Variants in TUSC3 observed in about 807,000 individuals in gnomAD.
The protein encoded by TUSC3 is tumor suppressor candidate 3.
Under a neutral mutation model 44.8 loss-of-function variants are expected in TUSC3, and 45 were observed. That is an observed-to-expected ratio of 1.00 (90% CI 0.79 to 1.29). The LOEUF is 1.29. TUSC3 is among the 50% of genes most tolerant of loss of function. The probability of loss-of-function intolerance (pLI) is 0.00; values close to 1 mark genes in which losing one functional copy is unlikely to be tolerated. For synonymous variants in TUSC3, 212 were observed against 152.9 expected (o/e 1.39, Z -2.85); for missense variants, 519 against 437.9 (o/e 1.19, Z -1.65).
chr8:15,835,201 C>A, the TUSC3 span, among the ~76,000 whole-genome samples: 3 of 152,278 alleles, frequency 2.0e-5, no homozygotes, highest in South Asian at 6.2e-4. Flanking sequence ...TAAAGAAAAT[C>A]ATCCTTTACA....
rs181539632 is a variant in TUSC3, at chr8:15,448,321, A to T, written n.91+31016A>T. ...TTTAGTAGAGATGAGGTTTCACCAC[A>T]TTGGCAAGGCTGGTCTCAAACTCCC... On this transcript the variant is annotated intron_variant and non_coding_transcript_variant, in intron 1 of 5. Coordinates refer to the TUSC3 transcript ENST00000503191. 3.3e-5 allele frequency among the ~76,000 whole-genome samples: 5 copies of T among 151,688 alleles called. No individual in the cohort carries two copies. The East Asian group carries it at 9.7e-4, about 30-fold the overall frequency.
chr8:15,815,008 C>T, the TUSC3 span, among the ~76,000 whole-genome samples: 2 of 151,958 alleles, frequency 1.3e-5, no homozygotes, highest in African/African-American at 4.8e-5. Flanking sequence ...AAGATACACA[C>T]AGACACAAAT....
chr8:15,553,890 G>C (rs887245471), intron 1 of TUSC3, among the ~76,000 whole-genome samples: 2 of 151,780 alleles, frequency 1.3e-5, no homozygotes, highest in African/African-American at 4.8e-5. Flanking sequence ...TATGGTAGTT[G>C]TTACGGTTGT....
the TUSC3 span, among the ~76,000 whole-genome samples, chr8:15,830,023 A>C: frequency 4.0e-5 from 6 of 151,886 alleles, no homozygotes; most frequent in Non-Finnish European, 8.8e-5. Flanking sequence ...CTGTGGTTTT[A>C]ATTTGCATTT....
chr8:15,652,297 A>T (rs1489461475), intron 3 of TUSC3, among the ~76,000 whole-genome samples: 2 of 152,212 alleles, frequency 1.3e-5, no homozygotes, highest in Non-Finnish European at 2.9e-5. Flanking sequence ...TATCACCATT[A>T]GTGAACATTT....
the TUSC3 span, among the ~76,000 whole-genome samples, chr8:15,797,326 C>G: frequency 2.0e-5 from 3 of 152,156 alleles, no homozygotes; most frequent in Non-Finnish European, 2.9e-5. Flanking sequence ...CCTAAAGAGT[C>G]CAGCAATGTG....
At chr8:15,607,142 T>C (rs12544412) in intron 1 of TUSC3, among the ~76,000 whole-genome samples, 4 of 151,816 alleles carry the variant, frequency 2.6e-5, no homozygotes, top group Admixed American at 2.6e-4. Context: ...CACAAATGGT[T>C]GGGGGAGAGC....
Position 15,757,646 on chromosome 8 carries a change from C to G in TUSC3, c.1029-145C>G, listed in dbSNP as rs1811982312. 10 of 1,025,570 alleles carry G rather than the reference C, an allele frequency of 9.8e-6. No individual in the cohort carries two copies. In the South Asian group the frequency reaches 1.3e-4, roughly 13 times the overall value. The allele number at this position is 1,025,570 out of a possible 1,614,324, so 63.5% of individuals were successfully genotyped here. A position where few individuals can be genotyped will look rare whatever the true frequency, so the allele number is the denominator to read the frequency against. On this transcript the variant is annotated intron_variant, in intron 9 of 10. Transcript: ENST00000503731. ...GATGATTAAGAGATAAGCTGGCATT[C>G]TGTAAAGGCACCATCGTCTATCCCC...
At chr8:15,460,844 T>G (rs1487732014) in intron 1 of TUSC3, among the ~76,000 whole-genome samples, 1 of 152,066 alleles carries the variant, frequency 6.6e-6, no homozygotes, top group Non-Finnish European at 1.5e-5. Context: ...CTGTAAGTAT[T>G]TGGGTTTATT....
chr8:15,726,557 G>A (rs575111234), intron 6 of TUSC3, among the ~76,000 whole-genome samples: 110 of 152,258 alleles, frequency 7.2e-4, no homozygotes, highest in Admixed American at 2.7e-3. Context: ...TGTAATCCCA[G>A]CACTTTGGGA....
Position 15,679,967 on chromosome 8 carries a change from A to G in TUSC3, c.798+6131A>G, listed in dbSNP as rs558726150. ...GCATGTCTATTTTTGTACCAATACC[A>G]TGCTGTTTTGGTTACTGTTGCTTTG... On this transcript the variant is annotated intron_variant, in intron 6 of 10. Transcript: ENST00000503731. 2.0e-5 allele frequency among the ~76,000 whole-genome samples: 3 copies of G among 152,210 alleles called. No homozygotes were observed. In the South Asian group the frequency reaches 6.2e-4, roughly 32 times the overall value.
At chr8:15,686,696 A>G (rs925813728) in intron 6 of TUSC3, among the ~76,000 whole-genome samples, 3 of 152,128 alleles carry the variant, frequency 2.0e-5, no homozygotes, top group Non-Finnish European at 4.4e-5. Context: ...ATATTTACAA[A>G]GGGCATTCAG....
At chr8:15,631,668 T>TTTTGTGTG (rs1805769327) in intron 2 of TUSC3, among the ~76,000 whole-genome samples, 1 of 145,114 alleles carries the variant, frequency 6.9e-6, no homozygotes, top group Non-Finnish European at 1.5e-5. Context: ...TTTAAGGCTG[T>TTTTGTGTG]TGTGTGTGTG....
intron 6 of TUSC3, among the ~76,000 whole-genome samples, chr8:15,679,439 T>C (rs1224424632): frequency 6.6e-6 from 1 of 152,156 alleles, no homozygotes; most frequent in East Asian, 1.9e-4. Flanking sequence ...TTGCCCACTT[T>C]TTAATGGGGT....
At chr8:15,760,453 G>T (rs999031600) in intron 10 of TUSC3, among the ~76,000 whole-genome samples, 3 of 152,082 alleles carry the variant, frequency 2.0e-5, no homozygotes, top group Non-Finnish European at 2.9e-5. Flanking sequence ...TAAGTTTTAT[G>T]CCATCCAGCT....
the TUSC3 span, among the ~76,000 whole-genome samples, chr8:15,801,538 G>A: frequency 6.6e-6 from 1 of 152,138 alleles, no homozygotes; most frequent in African/African-American, 2.4e-5. Context: ...AAAGTGACAT[G>A]TCCATTTTTG....
chr8:15,458,912 C>CA (rs1800301532), intron 1 of TUSC3, among the ~76,000 whole-genome samples: 1 of 152,110 alleles, frequency 6.6e-6, no homozygotes, highest in Non-Finnish European at 1.5e-5. Flanking sequence ...TTTGAAAGGC[C>CA]ATTCTAAATC....
At chr8:15,729,771 C>A (rs1810642766) in intron 6 of TUSC3, among the ~76,000 whole-genome samples, 1 of 151,968 alleles carries the variant, frequency 6.6e-6, no homozygotes. Context: ...TTACTCACTA[C>A]CTGGGAGACA....
At chr8:15,600,310 A>C (rs1228735788) in intron 1 of TUSC3, among the ~76,000 whole-genome samples, 1 of 151,778 alleles carries the variant, frequency 6.6e-6, no homozygotes, top group Non-Finnish European at 1.5e-5. Flanking sequence ...AATGGCAATT[A>C]AGAAAAATGT....
Sources: gnomAD v4.1 joint callset for allele counts (sites outside exome capture counted in the v4.1 genomes callset) on GRCh38, gnomAD v4.1.1 for gene constraint, MANE v1.5 for transcripts, NCBI Gene and HGNC (gene_info 2026-07-23, HGNC 2026-07-21) for gene names.